The following IRGM variants were observed in gnomAD, a reference collection of about 807,000 sequenced individuals.
IRGM encodes immunity related GTPase M, also known as immunity-related GTPase family M protein.
For missense variants in IRGM, 288 were observed against 219.9 expected, an observed-to-expected ratio of 1.31 and a Z score of -1.96; for synonymous variants, 98 against 80.6, an observed-to-expected ratio of 1.22 and a Z score of -1.16.
intron 3 of IRGM, among the ~76,000 whole-genome samples, chr5:150,890,385 A>G (rs1189242124): frequency 6.8e-6 from 1 of 146,766 alleles, no homozygotes; most frequent in African/African-American, 2.7e-5. Flanking sequence ...TCTGATTTGA[A>G]TAATTGTGTC....
In IRGM at chr5:150,848,001, C is replaced by T. The variant is rs1422941167; in HGVS notation, c.-123C>T. On this transcript the variant is annotated 5_prime_UTR_variant, in exon 2 of 2. It adds an upstream start codon to the 5' untranslated region. Coordinates refer to ENST00000522154, the MANE Select transcript of IRGM (RefSeq NM_001145805.2). ...TTGTATTTTAGTAGAGAAGGTTTCA[C>T]GATGTTGGCCAGGATGGTCTCAATC... 18 of 728,850 alleles carry T rather than the reference C, an allele frequency of 2.5e-5. No homozygotes were observed. Among genetic ancestry groups the T allele is most frequent in the Non-Finnish European group, 3.1e-5 (14 of 447,786 alleles). 45.1% of individuals were successfully genotyped at this position (728,850 alleles called of 1,614,324 possible). A position where few individuals can be genotyped will look rare whatever the true frequency, so the allele number is the denominator to read the frequency against.
At chr5:150,885,119 A>T (rs1262275145) in intron 3 of IRGM, among the ~76,000 whole-genome samples, 2 of 152,144 alleles carry the variant, frequency 1.3e-5, no homozygotes, top group Non-Finnish European at 2.9e-5. Flanking sequence ...GTTCAGCTTC[A>T]ATCTTCTTTA....
At position 150,893,306 on chromosome 5, in the gene IRGM, G is replaced by A. The variant is rs531874617; in HGVS notation, c.*141-7283G>A. Among the ~76,000 whole-genome samples the A allele has an allele frequency of 3.7e-4, 56 of 152,186 alleles. 1 individual carries two copies. The highest frequency in any genetic ancestry group is 2.1e-4 in the South Asian group (1 of 4,824). ...TTACCATTGATCTACATGATTACTC[G>A]TGTAACACCACATTGCCTTAATTAC... On this transcript the variant is annotated intron_variant and NMD_transcript_variant, in intron 3 of 3. Coordinates refer to the IRGM transcript ENST00000520549.
At chr5:150,893,062 G>C (rs1754640766) in intron 3 of IRGM, among the ~76,000 whole-genome samples, 1 of 151,922 alleles carries the variant, frequency 6.6e-6, no homozygotes, top group South Asian at 2.1e-4. Flanking sequence ...CTTTTTGCCT[G>C]ATCTATACTT....
intron 1 of IRGM, among the ~76,000 whole-genome samples, chr5:150,867,148 G>T (rs1434250973): frequency 6.6e-6 from 1 of 152,060 alleles, no homozygotes; most frequent in East Asian, 1.9e-4. Flanking sequence ...CCAATGTGTA[G>T]TCATCTTCCC....
chr5:150,874,493 C>A (rs1287389858), intron 1 of IRGM, among the ~76,000 whole-genome samples: 1 of 152,092 alleles, frequency 6.6e-6, no homozygotes, highest in African/African-American at 2.4e-5. Context: ...TGCATTTGGC[C>A]CCTTCTACAA....
At chr5:150,889,712 T>A (rs977547490) in intron 3 of IRGM, among the ~76,000 whole-genome samples, 1 of 152,054 alleles carries the variant, frequency 6.6e-6, no homozygotes, top group African/African-American at 2.4e-5. Flanking sequence ...AACTGTAGGG[T>A]TTTCACTTCC....
chr5:150,876,061 T>G (rs114640972), intron 1 of IRGM, among the ~76,000 whole-genome samples: 1 of 152,170 alleles, frequency 6.6e-6, no homozygotes, highest in South Asian at 2.1e-4. Context: ...GCTAAAGAAG[T>G]GTGGCACTGT....
chr5:150,892,390 A>G (rs1303411644), intron 3 of IRGM, among the ~76,000 whole-genome samples: 1 of 152,016 alleles, frequency 6.6e-6, no homozygotes, highest in Non-Finnish European at 1.5e-5. Context: ...TAGAATCAGA[A>G]TATCTGAGTT....
At chr5:150,895,554 G>A (rs1223679898) in intron 3 of IRGM, 5 of 1,613,418 alleles carry the variant, frequency 3.1e-6, no homozygotes, top group Admixed American at 1.7e-5. Context: ...AACAAGGTCT[G>A]ACTTCTGAGA....
chr5:150,873,382 G>T (rs1754315510), intron 1 of IRGM, among the ~76,000 whole-genome samples: 1 of 152,136 alleles, frequency 6.6e-6, no homozygotes, highest in Admixed American at 6.5e-5. Context: ...AGGTCCCCTT[G>T]AGGAATGACC....
intron 3 of IRGM, among the ~76,000 whole-genome samples, chr5:150,889,394 C>A (rs1306816096): frequency 6.6e-6 from 1 of 152,022 alleles, no homozygotes; most frequent in African/African-American, 2.4e-5. Flanking sequence ...TTTACTATCA[C>A]AAGAATAGCA....
In IRGM at chr5:150,862,837, C is replaced by T. The variant is rs189475464; in HGVS notation, c.158+14183C>T. Reference sequence around the variant, plus strand: ...ATGACAGCCCTAGACCAGGAGGGACCTGGGAAGTTAGATCTTGCAAAGAGG... The same window carrying T: ...ATGACAGCCCTAGACCAGGAGGGACTTGGGAAGTTAGATCTTGCAAAGAGG... On this transcript the variant is annotated intron_variant and NMD_transcript_variant, in intron 1 of 3. Transcript: ENST00000520549. 9.4e-4 allele frequency among the ~76,000 whole-genome samples: 143 copies of T among 152,236 alleles called. 1 individual carries two copies. Among genetic ancestry groups the T allele is most frequent in the African/African-American group, 3.3e-3 (137 of 41,536 alleles).
chr5:150,888,129 A>T (rs922836701), intron 3 of IRGM, among the ~76,000 whole-genome samples: 1 of 152,192 alleles, frequency 6.6e-6, no homozygotes, highest in East Asian at 1.9e-4. Context: ...AACCAGAAAA[A>T]AGCAGGGATT....
chr5:150,870,446 C>G (rs1418877831), intron 1 of IRGM, among the ~76,000 whole-genome samples: 1 of 151,932 alleles, frequency 6.6e-6, no homozygotes, highest in African/African-American at 2.4e-5. Flanking sequence ...AGCACACCCT[C>G]CAGAGAATCC....
intron 3 of IRGM, chr5:150,898,572 T>C: frequency 1.9e-6 from 3 of 1,569,352 alleles, no homozygotes; most frequent in African/African-American, 1.4e-5. Context: ...AGTAAATTCC[T>C]GTTCAATCTG....
chr5:150,862,110 T>C (rs1459572472), intron 1 of IRGM, among the ~76,000 whole-genome samples: 1 of 152,244 alleles, frequency 6.6e-6, no homozygotes, highest in African/African-American at 2.4e-5. Context: ...CTCACTCACA[T>C]TATTGGCAGA....
intron 1 of IRGM, among the ~76,000 whole-genome samples, chr5:150,862,848 GATCTTGCAAAGAGGGATGTAAGGA>G (rs2113266679): frequency 6.6e-6 from 1 of 152,292 alleles, no homozygotes; most frequent in East Asian, 1.9e-4. Context: ...TGGGAAGTTA[GATCTTGCAAAGAGGGATGTAAGGA>G]ATGAACACAC....
intron 1 of IRGM, among the ~76,000 whole-genome samples, chr5:150,865,102 TAGAA>T (rs1441695476): frequency 6.6e-6 from 1 of 152,232 alleles, no homozygotes; most frequent in South Asian, 2.1e-4. Context: ...GAACATAAAT[TAGAA>T]AGGGAATAAA....
Sources: allele counts gnomAD v4.1 joint callset (sites outside exome capture counted in the v4.1 genomes callset), GRCh38; gene constraint gnomAD v4.1.1; transcripts MANE v1.5; gene names NCBI Gene and HGNC (gene_info 2026-07-23, HGNC 2026-07-21).